Variants in TARS3 observed in about 807,000 individuals in gnomAD.
TARS3 encodes threonyl-tRNA synthetase 3, also known as threonine--tRNA ligase 2, cytoplasmic.
TARS3 carries 94 observed loss-of-function variants against 103.5 expected under a neutral mutation model. The observed-to-expected ratio is 0.91, with a 90% CI of 0.77 to 1.08. TARS3 has a LOEUF of 1.08. Among genes scored for constraint, TARS3 ranks in the 50% least tolerant of loss-of-function variants. The pLI is 0.00. For synonymous variants in TARS3, 416 were observed against 355.4 expected, an observed-to-expected ratio of 1.17 and a Z score of -1.92; for missense variants, 952 against 995.2, an observed-to-expected ratio of 0.96 and a Z score of 0.58.
rs1416472421 is a variant in TARS3 at position 101,702,129 on chromosome 15, G to C, written c.1221+110C>G. The C allele has an allele frequency of 3.7e-6, 5 of 1,344,546 alleles. No individual in the cohort carries two copies. The Admixed American group carries it at 7.8e-5, about 21-fold the overall frequency. 83.3% of individuals were successfully genotyped at this position (1,344,546 alleles called of 1,614,324 possible). On this transcript the variant is annotated intron_variant, in intron 9 of 18. Coordinates refer to ENST00000335968, the MANE Select transcript of TARS3 (RefSeq NM_152334.3). ...GCGGACTGTGAGTGCCAGCAAAATA[G>C]GAGAGAAGAAGAAGAAATCTTATTT...
intron 6 of TARS3, 96 bp from the exon 7 acceptor site, chr15:101,705,843 C>T: frequency 1.9e-6 from 2 of 1,041,602 alleles, no homozygotes; most frequent in Non-Finnish European, 2.9e-6. Flanking sequence ...AGGTCATCTA[C>T]TGATGTTCTA....
chr15:101,683,536 G>A (rs1567335276), intron 12 of TARS3, among the ~76,000 whole-genome samples: 1 of 152,082 alleles, frequency 6.6e-6, no homozygotes, highest in South Asian at 2.1e-4. Context: ...GTTCATAAGC[G>A]TGATGACTGG....
At position 101,654,450 on chromosome 15, in the gene TARS3, C is replaced by T. The variant is rs1897124029; in HGVS notation, c.*132G>A. 1 of 927,662 alleles carries T rather than the reference C, an allele frequency of 1.1e-6. No homozygotes were observed. The highest frequency in any genetic ancestry group is 1.7e-5 in the African/African-American group (1 of 58,880). The allele number at this position is 927,662 out of a possible 1,614,324, so 57.5% of individuals were successfully genotyped here. On this transcript the variant is annotated 3_prime_UTR_variant, in exon 19 of 19. Coordinates refer to ENST00000335968, the MANE Select transcript of TARS3 (RefSeq NM_152334.3). Reference sequence around the variant, plus strand: ...TGCATGTCAGCTACACGTTCATCGTCTCCTTTCTCAGCTGAGGCCATGAGT... The same window carrying T: ...TGCATGTCAGCTACACGTTCATCGTTTCCTTTCTCAGCTGAGGCCATGAGT...
At chr15:101,659,225 G>T (rs1030723972) in intron 16 of TARS3, among the ~76,000 whole-genome samples, 2 of 152,190 alleles carry the variant, frequency 1.3e-5, no homozygotes, top group African/African-American at 4.8e-5. Flanking sequence ...CTGTCATAGT[G>T]AGTATTTAGT....
intron 3 of TARS3, among the ~76,000 whole-genome samples, chr15:101,715,889 A>C (rs930165051): frequency 1.5e-4 from 23 of 152,208 alleles, no homozygotes; most frequent in African/African-American, 5.5e-4. Flanking sequence ...TGAACGCATC[A>C]CTTCCACGTA....
At chr15:101,707,035 A>G (rs758015056) in intron 6 of TARS3, among the ~76,000 whole-genome samples, 1 of 152,244 alleles carries the variant, frequency 6.6e-6, no homozygotes, top group Non-Finnish European at 1.5e-5. Flanking sequence ...TTCTCCAAAG[A>G]CATTTCTTCA....
intron 10 of TARS3, chr15:101,699,532 G>A (rs1899150996): frequency 2.3e-6 from 1 of 437,534 alleles, no homozygotes; most frequent in African/African-American, 2.0e-5. Flanking sequence ...AGGTGCCAGG[G>A]GCCATGCTGA....
At position 101,685,928 on chromosome 15, in the gene TARS3, A is replaced by G; in HGVS notation, c.1455T>C (p.Phe485=). The G allele has an allele frequency of 6.2e-7, 1 of 1,614,036 alleles. No individual in the cohort carries two copies. The highest frequency in any genetic ancestry group is 8.5e-7 in the Non-Finnish European group (1 of 1,179,910). ...CTGGACAATTCATGGGTTTGAGGGC[A>G]AAAGTGTCCTTTTCAATCTCAAAGG... ...MFTFEIEKDT[F]ALKPMNCPGH... is the part of the protein sequence containing the mutation. Residue 485 remains phenylalanine, a synonymous_variant, in exon 11 of 19, where the codon TTT becomes TTC. Transcript: ENST00000335968.
intron 10 of TARS3, among the ~76,000 whole-genome samples, chr15:101,700,046 ACTGAGCAATTAC>A (rs1899182612): frequency 6.6e-6 from 1 of 152,224 alleles, no homozygotes; most frequent in African/African-American, 2.4e-5. Flanking sequence ...AAAAAAAATT[ACTGAGCAATTAC>A]CTGAATCATT....
chr15:101,673,366 C>T (rs191388605), intron 13 of TARS3, among the ~76,000 whole-genome samples: 11 of 152,306 alleles, frequency 7.2e-5, no homozygotes, highest in East Asian at 1.9e-4. Flanking sequence ...GTAATGACAA[C>T]GATACCAACA....
chr15:101,667,019 T>C (rs1897605585), intron 15 of TARS3, among the ~76,000 whole-genome samples: 1 of 152,202 alleles, frequency 6.6e-6, no homozygotes, highest in Non-Finnish European at 1.5e-5. Flanking sequence ...AGAATGGATG[T>C]TGTGTTAATA....
intron 15 of TARS3, among the ~76,000 whole-genome samples, chr15:101,663,381 C>G (rs1254113938): frequency 6.6e-6 from 1 of 152,186 alleles, no homozygotes; most frequent in Non-Finnish European, 1.5e-5. Flanking sequence ...AGGTTTGGAG[C>G]TAGCAGCAAT....
intron 3 of TARS3, among the ~76,000 whole-genome samples, chr15:101,718,242 C>A (rs945096232): frequency 1.3e-5 from 2 of 152,048 alleles, no homozygotes; most frequent in African/African-American, 4.8e-5. Context: ...GTGGCGCATG[C>A]CTGTAATCTC....
intron 15 of TARS3, 100 bp from the exon 16 acceptor site, chr15:101,661,916 T>C (rs1286163299): frequency 1.5e-6 from 1 of 646,316 alleles, no homozygotes; most frequent in Non-Finnish European, 2.5e-6. Context: ...ATTAGTGATA[T>C]CAGATCTCTC....
chr15:101,657,904 T>C, intron 16 of TARS3, 47 bp from the exon 17 acceptor site: 1 of 1,144,244 alleles, frequency 8.7e-7, no homozygotes, highest in Non-Finnish European at 1.2e-6. Context: ...TAATAATGGC[T>C]ACTTATTACA....
chr15:101,678,650 A>C (rs1898130374), intron 12 of TARS3, among the ~76,000 whole-genome samples: 1 of 152,204 alleles, frequency 6.6e-6, no homozygotes, highest in South Asian at 2.1e-4. Flanking sequence ...TTTCTTCTAC[A>C]TACATTTAGA....
chr15:101,662,702 A>C (rs1377150739), intron 15 of TARS3, among the ~76,000 whole-genome samples: 1 of 152,214 alleles, frequency 6.6e-6, no homozygotes, highest in Non-Finnish European at 1.5e-5. Flanking sequence ...AATTCATCCC[A>C]AAAATTGAAA....
Position 101,716,387 on chromosome 15 carries a change from C to T in TARS3, c.567-1424G>A, listed in dbSNP as rs146539258. Among the ~76,000 whole-genome samples the T allele has an allele frequency of 3.9e-3, 593 of 152,072 alleles. 2 individuals carry two copies. Among genetic ancestry groups the T allele is most frequent in the African/African-American group, 0.014 (575 of 41,462 alleles). On this transcript the variant is annotated intron_variant, in intron 3 of 18. Coordinates refer to ENST00000335968, the MANE Select transcript of TARS3 (RefSeq NM_152334.3). Reference sequence around the variant, plus strand: ...CACAAAATCACCTATAATTCTACCACCAAGAAATTACCATTGATGTTTTGT... The same window carrying T: ...CACAAAATCACCTATAATTCTACCATCAAGAAATTACCATTGATGTTTTGT...
chr15:101,671,796 T>C, intron 13 of TARS3, 48 bp from the exon 14 acceptor site: 1 of 1,500,412 alleles, frequency 6.7e-7, no homozygotes, highest in Non-Finnish European at 9.1e-7. Flanking sequence ...GTATCTTTTT[T>C]TTTTACATAC....
Sources: gnomAD v4.1 joint callset for allele counts (sites outside exome capture counted in the v4.1 genomes callset) on GRCh38, gnomAD v4.1.1 for gene constraint, MANE v1.5 for transcripts, NCBI Gene and HGNC (gene_info 2026-07-23, HGNC 2026-07-21) for gene names.